NDUFAF2: variants seen among roughly 807,000 people sequenced by gnomAD.
NDUFAF2 encodes NADH dehydrogenase [ubiquinone] 1 alpha subcomplex assembly factor 2.
NDUFAF2 carries 13 observed loss-of-function variants against 22.8 expected under a neutral mutation model. That is an observed-to-expected ratio of 0.57 (90% CI 0.37 to 0.91). The LOEUF is 0.91. Ranked by LOEUF, NDUFAF2 falls within the 40% of genes least tolerant of loss-of-function variation. The pLI, the probability that NDUFAF2 is intolerant of heterozygous loss-of-function variation, is 0.01. For missense variants in NDUFAF2, 162 were observed against 195.2 expected (o/e 0.83, Z 1.01); for synonymous variants, 53 against 64.2 (o/e 0.83, Z 0.84).
rs186091864 is a variant in NDUFAF2 at position 61,076,088 on chromosome 5, T to C, written c.217+2874T>C. 1.1e-4 allele frequency among the ~76,000 whole-genome samples: 16 copies of C among 152,164 alleles called. No homozygotes were observed. The East Asian group carries it at 3.1e-3, about 30-fold the overall frequency. On this transcript the variant is annotated intron_variant, in intron 2 of 3. Transcript: ENST00000296597. ...GTTTTGCAGTTTTTTTGTTTGTTTT[T>C]TAAGATGGAGTCTCGCTCTTTGCCC...
chr5:60,988,077 A>T (rs939868212), intron 1 of NDUFAF2, among the ~76,000 whole-genome samples: 5 of 152,342 alleles, frequency 3.3e-5, no homozygotes, highest in African/African-American at 1.2e-4. Flanking sequence ...AAACAACTTT[A>T]GCAAAGTTTC....
At chr5:61,102,793 A>G (rs964623161) in intron 3 of NDUFAF2, among the ~76,000 whole-genome samples, 5 of 150,676 alleles carry the variant, frequency 3.3e-5, no homozygotes, top group Non-Finnish European at 7.5e-5. Flanking sequence ...ACTCAGTGTT[A>G]TAAAAAAGAA....
chr5:61,129,911 A>G (rs747493675), intron 3 of NDUFAF2, among the ~76,000 whole-genome samples: 1 of 152,080 alleles, frequency 6.6e-6, no homozygotes, highest in Non-Finnish European at 1.5e-5. Context: ...AGACTTTCTA[A>G]TTCTAATATT....
chr5:61,101,608 GA>G (rs1435502122), intron 3 of NDUFAF2, among the ~76,000 whole-genome samples: 1 of 152,048 alleles, frequency 6.6e-6, no homozygotes, highest in Non-Finnish European at 1.5e-5. Context: ...ACTGGATCCA[GA>G]AACTAGATTT....
intron 1 of NDUFAF2, among the ~76,000 whole-genome samples, chr5:61,069,547 A>G (rs976740808): frequency 6.6e-6 from 1 of 152,206 alleles, no homozygotes; most frequent in Non-Finnish European, 1.5e-5. Flanking sequence ...GAAAAATGCA[A>G]ATCACTGTAA....
chr5:60,956,202 C>A (rs953659203), intron 1 of NDUFAF2, among the ~76,000 whole-genome samples: 1 of 151,986 alleles, frequency 6.6e-6, no homozygotes. Context: ...TGCCTGGCCT[C>A]TATGTTGACT....
chr5:61,143,590 T>G (rs1741087985), intron 3 of NDUFAF2, among the ~76,000 whole-genome samples: 1 of 152,146 alleles, frequency 6.6e-6, no homozygotes, highest in Non-Finnish European at 1.5e-5. Flanking sequence ...TGTATAATTT[T>G]AAATTATAAC....
chr5:61,004,446 C>T (rs894114630), intron 1 of NDUFAF2, among the ~76,000 whole-genome samples: 34 of 151,980 alleles, frequency 2.2e-4, no homozygotes, highest in African/African-American at 7.2e-4. Flanking sequence ...ATTTCAAAAG[C>T]TTTAATTGTG....
chr5:61,060,633 C>T (rs1752152223), intron 1 of NDUFAF2, among the ~76,000 whole-genome samples: 1 of 152,086 alleles, frequency 6.6e-6, no homozygotes, highest in South Asian at 2.1e-4. Flanking sequence ...TGCTTATATA[C>T]AAGGGAACAA....
At chr5:61,066,148 C>T (rs1333085417) in intron 1 of NDUFAF2, among the ~76,000 whole-genome samples, 2 of 151,778 alleles carry the variant, frequency 1.3e-5, no homozygotes, top group Non-Finnish European at 2.9e-5. Flanking sequence ...TAAATTTAAG[C>T]AAGGAGATGA....
intron 3 of NDUFAF2, among the ~76,000 whole-genome samples, chr5:61,150,529 G>GA (rs566991164): frequency 1.4e-4 from 22 of 152,276 alleles, no homozygotes; most frequent in Admixed American, 1.2e-3. Flanking sequence ...TGTGAAGGCA[G>GA]GAGAAACAAG....
chr5:61,021,189 T>A (rs553138111), intron 1 of NDUFAF2, among the ~76,000 whole-genome samples: 2 of 152,276 alleles, frequency 1.3e-5, no homozygotes, highest in Admixed American at 6.5e-5. Context: ...GTTCTAGAGG[T>A]CAGATAGCCA....
Position 60,964,744 on chromosome 5 carries a change from G to A in NDUFAF2, c.127+19362G>A, listed in dbSNP as rs1219797071. Among the ~76,000 whole-genome samples the A allele has an allele frequency of 1.3e-5, 2 of 151,976 alleles. 1 individual carries two copies. The highest frequency in any genetic ancestry group is 4.1e-4 in the South Asian group (2 of 4,822). On this transcript the variant is annotated intron_variant, in intron 1 of 3. Transcript: ENST00000296597. The stretch of plus-strand genomic sequence containing the variant: ...TGGGATTACAGGTGTGAACTACCGC[G>A]CCCGGCCACATAACGTTGATTACCA...
intron 2 of NDUFAF2, among the ~76,000 whole-genome samples, chr5:61,093,068 T>C (rs1313873271): frequency 6.6e-6 from 1 of 152,168 alleles, no homozygotes; most frequent in East Asian, 1.9e-4. Context: ...ACTGAAGGAC[T>C]TGGAGTCTGA....
At chr5:60,989,464 T>G (rs911633370) in intron 1 of NDUFAF2, among the ~76,000 whole-genome samples, 2 of 152,204 alleles carry the variant, frequency 1.3e-5, no homozygotes, top group Non-Finnish European at 1.5e-5. Flanking sequence ...GTATGTTCAT[T>G]GCAGCACTAT....
At chr5:61,124,775 A>G (rs1384968896) in intron 3 of NDUFAF2, among the ~76,000 whole-genome samples, 3 of 152,066 alleles carry the variant, frequency 2.0e-5, no homozygotes, top group Non-Finnish European at 4.4e-5. Flanking sequence ...GTACTTTTTA[A>G]TTCTAAACTT....
intron 3 of NDUFAF2, among the ~76,000 whole-genome samples, chr5:61,109,262 G>T (rs28816681): frequency 6.6e-6 from 1 of 152,052 alleles, no homozygotes; most frequent in Non-Finnish European, 1.5e-5. Flanking sequence ...GTTTGCTGGT[G>T]GCATATAGAA....
At chr5:61,005,842 T>A (rs1488487304) in intron 1 of NDUFAF2, among the ~76,000 whole-genome samples, 1 of 152,142 alleles carries the variant, frequency 6.6e-6, no homozygotes, top group East Asian at 1.9e-4. Context: ...TGGATATTAG[T>A]GCTTTGTGAG....
chr5:60,956,668 A>G (rs1382917), intron 1 of NDUFAF2, among the ~76,000 whole-genome samples: 58,690 of 151,814 alleles, frequency 0.39, 12,327 homozygotes, highest in East Asian at 0.8. Flanking sequence ...TGTTATCTCA[A>G]TTTTTTGAAG....
Sources: allele counts gnomAD v4.1 joint callset (sites outside exome capture counted in the v4.1 genomes callset), GRCh38; gene constraint gnomAD v4.1.1; transcripts MANE v1.5; gene names NCBI Gene and HGNC (gene_info 2026-07-23, HGNC 2026-07-21).